Variants in VPS13C observed in about 807,000 individuals in gnomAD.
VPS13C encodes vacuolar protein sorting 13 homolog C, also known as intermembrane lipid transfer protein VPS13C.
VPS13C carries 358 observed loss-of-function variants against 456.8 expected under a neutral mutation model. The ratio of observed to expected loss-of-function variants is 0.78; its 90% confidence interval spans 0.72 to 0.86. The LOEUF is 0.86. VPS13C is among the 40% of genes least tolerant of loss of function. The pLI, the probability that VPS13C is intolerant of heterozygous loss-of-function variation, is 0.00. For synonymous variants in VPS13C, 1,578 were observed against 1,486.7 expected (o/e 1.06, Z -1.41); for missense variants, 4,818 against 4,385.4 (o/e 1.10, Z -2.79).
intron 74 of VPS13C, among the ~76,000 whole-genome samples, chr15:61,878,235 T>C (rs1381580308): frequency 6.6e-6 from 1 of 151,862 alleles, no homozygotes; most frequent in Non-Finnish European, 1.5e-5. Flanking sequence ...TCCAATACCA[T>C]TGTTGAATTT....
chr15:61,864,989 A>G (rs189618717), intron 81 of VPS13C: 1 of 984,524 alleles, frequency 1.0e-6, no homozygotes, highest in East Asian at 1.1e-4. Flanking sequence ...GCTTCAAGCC[A>G]TTGACAGTTT....
At chr15:62,052,450 T>G (rs1010856882) in intron 1 of VPS13C, among the ~76,000 whole-genome samples, 2 of 151,926 alleles carry the variant, frequency 1.3e-5, no homozygotes, top group Non-Finnish European at 2.9e-5. Context: ...CTGAGGCAGG[T>G]GGATCACAAG....
In VPS13C at chr15:62,060,276, G is replaced by A; in HGVS notation, c.99C>T (p.Gly33=). ...CACTGGCCGCGCCCTCTCGCTTACC[G>A]CCCCAGATGCCCAGCTTCAGCTGGG... ...NKSQLKLGIW[G]GNVALDNLQI... The change falls in exon 1 of 85, where the codon GGC becomes GGT. Residue 33 remains glycine (G), a splice_region_variant and synonymous_variant. Coordinates refer to ENST00000644861, the MANE Select transcript of VPS13C (RefSeq NM_020821.3). The A allele has an allele frequency of 1.9e-6, 3 of 1,601,372 alleles. No homozygotes were observed. Among genetic ancestry groups the A allele is most frequent in the East Asian group, 2.3e-5 (1 of 43,910 alleles).
At chr15:61,896,721 T>C (rs1277171384) in intron 66 of VPS13C, among the ~76,000 whole-genome samples, 3 of 151,024 alleles carry the variant, frequency 2.0e-5, no homozygotes, top group East Asian at 2.0e-4. Flanking sequence ...ACAAAGCAGC[T>C]GGGAAGCTCG....
chr15:61,874,800 T>C lies in VPS13C; in HGVS notation c.10414+76A>G. ...ATCCCTCCTTTATTAAATAAAAGCA[T>C]TTGTTTTTCATAACAACGTATTTCA... is the stretch of plus-strand genomic sequence containing the variant. On this transcript the variant is annotated intron_variant, in intron 77 of 84. Coordinates refer to ENST00000644861, the MANE Select transcript of VPS13C (RefSeq NM_020821.3). 3 of 1,312,324 alleles carry C rather than the reference T, an allele frequency of 2.3e-6. No individual in the cohort carries two copies. In the South Asian group the frequency reaches 4.2e-5, roughly 18 times the overall value. The allele number at this position is 1,312,324 out of a possible 1,614,324, so 81.3% of individuals were successfully genotyped here.
Position 61,890,475 on chromosome 15 carries a change from A to G in VPS13C, c.9106-75T>C, listed in dbSNP as rs1030279965. ...ATATAAAATTGAACTATAATAACAGAAAGATTAGAAAAGTTTAAGAAGCAC... is the reference window on the plus strand; with the variant it reads ...ATATAAAATTGAACTATAATAACAGGAAGATTAGAAAAGTTTAAGAAGCAC... On this transcript the variant is annotated intron_variant, in intron 66 of 84. Transcript: ENST00000644861. 4.7e-6 allele frequency: 6 copies of G among 1,290,160 alleles called. No individual in the cohort carries two copies. In the African/African-American group the frequency reaches 7.5e-5, roughly 16 times the overall value. The allele number at this position is 1,290,160 out of a possible 1,614,324, so 79.9% of individuals were successfully genotyped here.
In VPS13C at chr15:61,940,908, C is replaced by T. The variant is rs572409198; in HGVS notation, c.5454-114G>A. 1.9e-5 allele frequency: 21 copies of T among 1,084,454 alleles called. No homozygotes were observed. In the South Asian group the frequency reaches 3.5e-4, roughly 18 times the overall value. The allele number at this position is 1,084,454 out of a possible 1,614,324, so 67.2% of individuals were successfully genotyped here. A position where few individuals can be genotyped will look rare whatever the true frequency, so the allele number is the denominator to read the frequency against. On this transcript the variant is annotated intron_variant, in intron 46 of 84. Coordinates refer to ENST00000644861, the MANE Select transcript of VPS13C (RefSeq NM_020821.3). ...TTTCATAAAGGCTAAAAGCTGCTAA[C>T]AGAAGTCTTTTAGAATACACTTCTT...
chr15:61,976,680 A>T (rs1458081253), intron 24 of VPS13C, among the ~76,000 whole-genome samples: 1 of 152,032 alleles, frequency 6.6e-6, no homozygotes, highest in Non-Finnish European at 1.5e-5. Flanking sequence ...GCTGTTTTTT[A>T]AAAACAGTAT....
At chr15:61,931,439 C>T (rs1336162551) in intron 49 of VPS13C, among the ~76,000 whole-genome samples, 180 bp from the exon 50 acceptor site, 1 of 151,964 alleles carries the variant, frequency 6.6e-6, no homozygotes, top group Non-Finnish European at 1.5e-5. Context: ...CATACCTGTA[C>T]ATACAAATAA....
chr15:61,913,918 C>G (rs1022908982), intron 61 of VPS13C, among the ~76,000 whole-genome samples: 1 of 151,838 alleles, frequency 6.6e-6, no homozygotes, highest in African/African-American at 2.4e-5. Flanking sequence ...GAAATACATA[C>G]GAAAAATTAT....
intron 75 of VPS13C, 38 bp from the exon 76 acceptor site, chr15:61,875,883 C>A: frequency 7.6e-7 from 1 of 1,312,252 alleles, no homozygotes; most frequent in Non-Finnish European, 1.1e-6. Flanking sequence ...TCCTTCACAA[C>A]TATTGTAAGA....
intron 9 of VPS13C, among the ~76,000 whole-genome samples, chr15:62,014,284 T>A (rs2047149796): frequency 6.6e-6 from 1 of 152,114 alleles, no homozygotes; most frequent in South Asian, 2.1e-4. Flanking sequence ...AGAGCCAGCC[T>A]ATACACTATT....
chr15:61,995,133 T>C (rs2046341734), intron 16 of VPS13C, among the ~76,000 whole-genome samples: 1 of 152,248 alleles, frequency 6.6e-6, no homozygotes, highest in Admixed American at 6.5e-5. Flanking sequence ...CACATTATTC[T>C]ATAAAAATTG....
chr15:61,966,005 T>C, intron 30 of VPS13C, 78 bp downstream of exon 30: 1 of 1,059,672 alleles, frequency 9.4e-7, no homozygotes, highest in Non-Finnish European at 1.4e-6. Flanking sequence ...ACCTAGTCAA[T>C]ACTCCTCAAA....
chr15:62,048,263 C>CA (rs200522417), intron 1 of VPS13C, among the ~76,000 whole-genome samples: 2 of 120,212 alleles, frequency 1.7e-5, no homozygotes, highest in Non-Finnish European at 3.4e-5. Flanking sequence ...CCCACCCCCC[C>CA]CAACAGGCCC....
intron 24 of VPS13C, 70 bp downstream of exon 24, chr15:61,977,012 A>T: frequency 9.0e-7 from 1 of 1,113,402 alleles, no homozygotes; most frequent in Non-Finnish European, 1.3e-6. Flanking sequence ...TTGCTTCCTT[A>T]AATTCTAGCA....
Position 61,984,921 on chromosome 15 carries a change from G to C in VPS13C, c.1657C>G (p.Leu553Val). The C allele has an allele frequency of 1.2e-6, 2 of 1,612,440 alleles. No homozygotes were observed. The highest frequency in any genetic ancestry group is 1.7e-6 in the Non-Finnish European group (2 of 1,179,454). Residue 553 changes from leucine (L) to valine (V), a missense_variant, in exon 19 of 85, where the codon CTA becomes GTA. Coordinates refer to ENST00000644861, the MANE Select transcript of VPS13C (RefSeq NM_020821.3). ...CCCAGGCCAATTATCTGAATTTTTAGTATTTCTGGAATATTCTTGTTTTCT... is the reference window on the plus strand; with the variant it reads ...CCCAGGCCAATTATCTGAATTTTTACTATTTCTGGAATATTCTTGTTTTCT... ...IRENKNIPEI[L>V]KIQIIGLGTQ...
At position 61,878,621 on chromosome 15, in the gene VPS13C, A is replaced by T. The variant is rs953468902; in HGVS notation, c.10128T>A (p.Asp3376Glu). 6.2e-7 allele frequency: 1 copy of T among 1,609,410 alleles called. No individual in the cohort carries two copies. Among genetic ancestry groups the T allele is most frequent in the Admixed American group, 1.7e-5 (1 of 59,330 alleles). Residue 3376 changes from aspartate (D) to glutamate (E), a missense_variant, in exon 74 of 85, where the codon GAT (aspartate) becomes GAA (glutamate). This residue lies in a region of VPS13C where 4,552 missense variants were observed against 4,130.6 expected (regional missense o/e 1.10). Coordinates refer to ENST00000644861, the MANE Select transcript of VPS13C (RefSeq NM_020821.3). ...AGAAGTCTTACTTGAATATAAGGTC[A>T]TCCACATCAGTCAGAGTAGCACCTA... Reference protein sequence around the residue: ...KSIGATLTDVDDLIFKLAYYE... With the variant: ...KSIGATLTDVEDLIFKLAYYE...
At chr15:61,927,520 A>G (rs925725466) in intron 51 of VPS13C, among the ~76,000 whole-genome samples, 200 bp from the exon 52 acceptor site, 1 of 152,200 alleles carries the variant, frequency 6.6e-6, no homozygotes, top group Non-Finnish European at 1.5e-5. Context: ...AGGCAATCTG[A>G]TCCCTGTCCC....
Sources: gnomAD v4.1 joint callset for allele counts (sites outside exome capture counted in the v4.1 genomes callset) on GRCh38, gnomAD v4.1.1 for gene constraint, gnomAD v4.1.1 regional missense constraint, MANE v1.5 for transcripts, NCBI Gene and HGNC (gene_info 2026-07-23, HGNC 2026-07-21) for gene names.